Variants in FNIP2 observed in about 807,000 individuals in gnomAD.
The protein encoded by FNIP2 is folliculin interacting protein 2.
A neutral mutation model predicts 108.7 loss-of-function variants in FNIP2; 32 were observed. The observed-to-expected ratio is 0.29, with a 90% CI of 0.22 to 0.40. The LOEUF is 0.40. Among genes scored for constraint, FNIP2 ranks in the 10% least tolerant of loss-of-function variants. The probability of loss-of-function intolerance (pLI) is 1.00; values close to 1 mark genes in which losing one functional copy is unlikely to be tolerated. For missense variants in FNIP2, 1,202 were observed against 1,381.6 expected, an observed-to-expected ratio of 0.87 and a Z score of 2.06; for synonymous variants, 480 against 496.7, an observed-to-expected ratio of 0.97 and a Z score of 0.45.
chr4:158,859,862 C>T (rs903034436), intron 10 of FNIP2, among the ~76,000 whole-genome samples, 196 bp downstream of exon 10: 5 of 152,178 alleles, frequency 3.3e-5, no homozygotes, highest in Non-Finnish European at 7.4e-5. Context: ...CACTATTGCT[C>T]AACCGACAGT....
chr4:158,840,197 G>A (rs1005021401), intron 7 of FNIP2, among the ~76,000 whole-genome samples: 2 of 152,194 alleles, frequency 1.3e-5, no homozygotes, highest in African/African-American at 4.8e-5. Context: ...TGGAAGGTGA[G>A]CATTATCCAG....
chr4:158,849,055 T>G (rs890889383), intron 7 of FNIP2, among the ~76,000 whole-genome samples: 2 of 152,210 alleles, frequency 1.3e-5, no homozygotes, highest in Non-Finnish European at 2.9e-5. Context: ...TGTGTGGCAT[T>G]TCTTCCTGTC....
intron 16 of FNIP2, among the ~76,000 whole-genome samples, chr4:158,902,725 T>A (rs1729443000): frequency 6.6e-6 from 1 of 152,270 alleles, no homozygotes; most frequent in African/African-American, 2.4e-5. Flanking sequence ...CCCAGTGGCC[T>A]TGCTGAGAGC....
At position 158,872,832 on chromosome 4, in the gene FNIP2, C is replaced by T. The variant is rs187645698; in HGVS notation, c.2949+2363C>T. 16 of 825,300 alleles carry T rather than the reference C, an allele frequency of 1.9e-5. No individual in the cohort carries two copies. The South Asian group carries it at 6.0e-4, about 31-fold the overall frequency. 51.1% of individuals were successfully genotyped at this position (825,300 alleles called of 1,614,324 possible). A position where few individuals can be genotyped will look rare whatever the true frequency, so the allele number is the denominator to read the frequency against. ...AGGAGTATTTGTTTAAACATTATTCCGAATTTACTGCTCCATAAAGCCTAG... is the reference window on the plus strand; with the variant it reads ...AGGAGTATTTGTTTAAACATTATTCTGAATTTACTGCTCCATAAAGCCTAG... On this transcript the variant is annotated intron_variant, in intron 14 of 16. Coordinates refer to ENST00000264433, the MANE Select transcript of FNIP2 (RefSeq NM_020840.3).
intron 15 of FNIP2, chr4:158,893,406 A>G (rs752007961): frequency 9.6e-5 from 29 of 302,954 alleles, no homozygotes; most frequent in Non-Finnish European, 1.7e-4. Context: ...ATATTAGAGA[A>G]TGAATGTAAA....
chr4:158,809,823 G>A (rs1001324369), intron 1 of FNIP2, among the ~76,000 whole-genome samples: 1 of 152,132 alleles, frequency 6.6e-6, no homozygotes, highest in African/African-American at 2.4e-5. Flanking sequence ...TCTCTGTACT[G>A]CTTTAGAATC....
In FNIP2 at chr4:158,769,176, C is replaced by A. The variant is rs751891145; in HGVS notation, c.-37C>A. ...CCGGCTGCGCGCTGAGCCGCCGGCC[C>A]CCCGAGCGCCACGGCCGGAGCTGCG... On this transcript the variant is annotated 5_prime_UTR_variant, in exon 1 of 17. Transcript: ENST00000264433. The A allele has an allele frequency of 1.7e-6, 2 of 1,169,708 alleles. No homozygotes were observed. Among genetic ancestry groups the A allele is most frequent in the Admixed American group, 6.7e-5 (2 of 29,722 alleles). 72.5% of individuals were successfully genotyped at this position (1,169,708 alleles called of 1,614,324 possible).
At chr4:158,894,329 T>A (rs756191570) in intron 15 of FNIP2, among the ~76,000 whole-genome samples, 2 of 152,006 alleles carry the variant, frequency 1.3e-5, no homozygotes, top group Non-Finnish European at 1.5e-5. Flanking sequence ...TGGGCCACTA[T>A]GCCCAGGTAA....
intron 1 of FNIP2, among the ~76,000 whole-genome samples, chr4:158,816,397 T>C (rs971612431): frequency 1.3e-5 from 2 of 152,186 alleles, no homozygotes; most frequent in African/African-American, 4.8e-5. Flanking sequence ...TTGATGCATG[T>C]TACCTTTTAT....
chr4:158,902,170 C>CT (rs943515385), intron 16 of FNIP2, among the ~76,000 whole-genome samples: 1 of 152,102 alleles, frequency 6.6e-6, no homozygotes, highest in Non-Finnish European at 1.5e-5. Flanking sequence ...GATGGGGTCT[C>CT]TGAGTGGACG....
At chr4:158,835,277 C>G in intron 6 of FNIP2, 128 bp from the exon 7 acceptor site, 1 of 625,942 alleles carries the variant, frequency 1.6e-6, no homozygotes, top group Non-Finnish European at 2.8e-6. Flanking sequence ...TAGTTAATCT[C>G]TATTAAAAGC....
At chr4:158,832,236 A>G in intron 5 of FNIP2, 98 bp downstream of exon 5, 2 of 931,312 alleles carry the variant, frequency 2.1e-6, no homozygotes, top group Non-Finnish European at 3.3e-6. Context: ...TTGAAATGAC[A>G]AGCAGAATGA....
intron 1 of FNIP2, among the ~76,000 whole-genome samples, chr4:158,772,812 A>G (rs1392612155): frequency 6.6e-6 from 1 of 152,236 alleles, no homozygotes; most frequent in Non-Finnish European, 1.5e-5. Context: ...ACTGGAGTTT[A>G]CAATCTAAAG....
chr4:158,876,350 A>G (rs1466408851), intron 14 of FNIP2, among the ~76,000 whole-genome samples: 2 of 152,184 alleles, frequency 1.3e-5, no homozygotes, highest in Non-Finnish European at 2.9e-5. Flanking sequence ...AAGAGACTAA[A>G]CTGTAAACTC....
chr4:158,869,687 T>C (rs997888254), intron 13 of FNIP2, among the ~76,000 whole-genome samples: 4 of 152,162 alleles, frequency 2.6e-5, no homozygotes, highest in Non-Finnish European at 4.4e-5. Flanking sequence ...TCGTGATCCT[T>C]TGGGGAAGCC....
chr4:158,786,241 C>G (rs1776220482), intron 1 of FNIP2, among the ~76,000 whole-genome samples: 1 of 152,208 alleles, frequency 6.6e-6, no homozygotes, highest in Non-Finnish European at 1.5e-5. Flanking sequence ...GTTTATATTT[C>G]TCCTTCCAGA....
intron 14 of FNIP2, among the ~76,000 whole-genome samples, chr4:158,873,383 TG>T (rs1470362634): frequency 6.6e-6 from 1 of 152,148 alleles, no homozygotes. Flanking sequence ...TTTTTGTTTT[TG>T]TTTTTGTTTT....
chr4:158,826,103 A>G, intron 2 of FNIP2, 61 bp downstream of exon 2: 1 of 1,555,052 alleles, frequency 6.4e-7, no homozygotes, highest in East Asian at 2.4e-5. Context: ...CTTCTGATCA[A>G]TCATTTATTA....
intron 1 of FNIP2, among the ~76,000 whole-genome samples, chr4:158,815,108 A>C (rs1385430645): frequency 1.3e-5 from 2 of 152,220 alleles, no homozygotes; most frequent in Non-Finnish European, 2.9e-5. Flanking sequence ...TTTAGTCACC[A>C]AAACAGCACT....
Sources: allele counts gnomAD v4.1 joint callset (sites outside exome capture counted in the v4.1 genomes callset), GRCh38; gene constraint gnomAD v4.1.1; transcripts MANE v1.5; gene names NCBI Gene and HGNC (gene_info 2026-07-23, HGNC 2026-07-21).